KIAA1671: variants seen among roughly 807,000 people sequenced by gnomAD.
KIAA1671 encodes the protein uncharacterized protein KIAA1671.
A neutral mutation model predicts 131.2 loss-of-function variants in KIAA1671; 52 were observed. The ratio of observed to expected loss-of-function variants is 0.40; its 90% CI spans 0.32 to 0.50. The LOEUF (loss-of-function observed/expected upper bound fraction) is 0.50. Among genes scored for constraint, KIAA1671 ranks in the 20% least tolerant of loss-of-function variants. The pLI, the probability that KIAA1671 is intolerant of heterozygous loss-of-function variation, is 0.73. For synonymous variants in KIAA1671, 1,003 were observed against 961.6 expected, an observed-to-expected ratio of 1.04 and a Z score of -0.80; for missense variants, 2,360 against 2,364.2, an observed-to-expected ratio of 1.00 and a Z score of 0.04.
chr22:25,175,837 A>G (rs1055829003), intron 8 of KIAA1671: 1 of 152,246 alleles, frequency 6.6e-6, no homozygotes, highest in Admixed American at 6.5e-5. Flanking sequence ...GTCCCGAAGC[A>G]TAGGTCTAAC....
chr22:25,069,037 G>A (rs1928663011), intron 6 of KIAA1671, among the ~76,000 whole-genome samples: 1 of 152,216 alleles, frequency 6.6e-6, no homozygotes, highest in East Asian at 1.9e-4. Flanking sequence ...CGGCTTATGA[G>A]GAGCAGGTGT....
intron 4 of KIAA1671, among the ~76,000 whole-genome samples, chr22:25,033,580 T>G (rs1245186653): frequency 3.4e-5 from 4 of 116,184 alleles, no homozygotes; most frequent in Non-Finnish European, 3.6e-5. Context: ...TTTCGTTTTT[T>G]TTTTTTTTTT....
chr22:25,041,081 T>G lies in KIAA1671; in HGVS notation c.3951T>G (p.Asp1317Glu), dbSNP rs1926899355. ...RYPGGSPIPA[D>E]PRKKTGFAED... ...CAGGGGGCTCTCCTATACCTGCGGA[T>G]CCCAGGAAAAAAACGGGGTTTGCTG... The change falls in exon 5 of 13, where the codon GAT (aspartate) becomes GAG (glutamate). Residue 1317 changes from aspartate to glutamate, a missense_variant. Asp to Glu is a conservative substitution (Grantham distance 45, BLOSUM62 2). This residue lies in a region of KIAA1671 where 1,161 missense variants were observed against 1,204.7 expected (regional missense o/e 0.96). Coordinates refer to ENST00000358431, the MANE Select transcript of KIAA1671 (RefSeq NM_001145206.2). 3.9e-6 allele frequency: 6 copies of G among 1,539,670 alleles called. No homozygotes were observed. The Admixed American group carries it at 1.0e-4, about 26-fold the overall frequency.
At chr22:24,955,941 C>A (rs1921669347) in intron 1 of KIAA1671, among the ~76,000 whole-genome samples, 1 of 148,526 alleles carries the variant, frequency 6.7e-6, no homozygotes, top group South Asian at 2.1e-4. Flanking sequence ...AGGAGAATGG[C>A]ATGAACCGGG....
chr22:25,114,852 A>G (rs1351728461), intron 6 of KIAA1671, among the ~76,000 whole-genome samples: 2 of 152,230 alleles, frequency 1.3e-5, no homozygotes, highest in Non-Finnish European at 2.9e-5. Context: ...TTGGGACAAC[A>G]GCAGTATCCG....
intron 6 of KIAA1671, among the ~76,000 whole-genome samples, chr22:25,133,646 G>A (rs752163377): frequency 6.6e-6 from 1 of 152,102 alleles, no homozygotes; most frequent in African/African-American, 2.4e-5. Context: ...GGGCTTGGGC[G>A]ACCCTCCTGC....
chr22:25,165,846 G>A (rs979262733), intron 6 of KIAA1671, among the ~76,000 whole-genome samples: 1 of 152,110 alleles, frequency 6.6e-6, no homozygotes, highest in African/African-American at 2.4e-5. Context: ...TGTGAGGGGA[G>A]GGAAATGGGG....
intron 6 of KIAA1671, among the ~76,000 whole-genome samples, chr22:25,108,460 G>A (rs1374710227): frequency 6.6e-6 from 1 of 152,160 alleles, no homozygotes; most frequent in Non-Finnish European, 1.5e-5. Context: ...ACTTCATGGT[G>A]TAGGAGCTCA....
At chr22:25,068,679 G>T (rs1405456379) in intron 6 of KIAA1671, among the ~76,000 whole-genome samples, 1 of 152,156 alleles carries the variant, frequency 6.6e-6, no homozygotes, top group Admixed American at 6.6e-5. Flanking sequence ...CTCATGATCT[G>T]CCCACCTTGG....
At chr22:25,087,021 A>C (rs963152807) in intron 6 of KIAA1671, among the ~76,000 whole-genome samples, 8 of 152,194 alleles carry the variant, frequency 5.3e-5, no homozygotes, top group Non-Finnish European at 1.0e-4. Flanking sequence ...TTTGGGGTGC[A>C]ACGGAACAGG....
chr22:25,117,683 T>A (rs1295231493), intron 6 of KIAA1671, among the ~76,000 whole-genome samples: 1 of 150,830 alleles, frequency 6.6e-6, no homozygotes, highest in Non-Finnish European at 1.5e-5. Context: ...GGAAAGGATG[T>A]ATAGAACTCC....
chr22:25,093,768 GTCTCTCTCTCTCTCTC>G (rs71191028), intron 6 of KIAA1671, among the ~76,000 whole-genome samples: 62 of 60,748 alleles, frequency 1.0e-3, no homozygotes, highest in Non-Finnish European at 1.4e-3. Flanking sequence ...CTCTCTCTCT[GTCTCTCTCTCTCTCTC>G]TCTCTCTCTC....
chr22:24,956,630 G>T (rs1921713691), intron 1 of KIAA1671, among the ~76,000 whole-genome samples: 4 of 152,078 alleles, frequency 2.6e-5, no homozygotes, highest in Admixed American at 2.0e-4. Flanking sequence ...ACTTTGAGAG[G>T]CCGAGGCGGA....
intron 11 of KIAA1671, chr22:25,185,419 C>G (rs1934443868): frequency 3.1e-6 from 1 of 319,608 alleles, no homozygotes; most frequent in Non-Finnish European, 5.7e-6. Context: ...TAGTTTAGCC[C>G]TCTCCAGACC....
rs1926789927 is a variant in KIAA1671 at position 25,039,365 on chromosome 22, C to T, written c.2235C>T (p.Ser745=). ...ATGCAGTGGGAGAGCGTGTGCACAG[C>T]GAGGCCATCTCACCGGCACCGGAGG... ...IVHAVGERVH[S]EAISPAPEEK... is the part of the protein sequence containing the mutation. Residue 745 remains serine, a synonymous_variant, in exon 5 of 13, where the codon AGC becomes AGT. Transcript: ENST00000358431. The T allele has an allele frequency of 5.8e-6, 9 of 1,551,856 alleles. No individual in the cohort carries two copies. The highest frequency in any genetic ancestry group is 3.6e-5 in the South Asian group (3 of 84,064).
At chr22:25,113,057 C>CAATCCA (rs1285911341) in intron 6 of KIAA1671, among the ~76,000 whole-genome samples, 1 of 152,120 alleles carries the variant, frequency 6.6e-6, no homozygotes, top group Non-Finnish European at 1.5e-5. Flanking sequence ...TGGATTGGGA[C>CAATCCA]AGCAGGGTGG....
rs147630044 is a variant in KIAA1671, at chr22:24,985,779, G to GGA, written c.-208+33024_-208+33025dup. Among the ~76,000 whole-genome samples the GGA allele has an allele frequency of 5.4e-3, 814 of 150,344 alleles. 5 individuals carry two copies. Among genetic ancestry groups the GGA allele is most frequent in the Non-Finnish European group, 7.8e-3 (527 of 67,370 alleles). ...GTGTGTGTGTGTGTGTATGGTGAGG[G>GGA]GAGAGAGAGAGAGAGAGAAACAGAA... On this transcript the variant is annotated intron_variant, in intron 1 of 12. Transcript: ENST00000358431.
intron 6 of KIAA1671, among the ~76,000 whole-genome samples, chr22:25,065,988 G>A (rs1474334551): frequency 6.6e-6 from 1 of 152,112 alleles, no homozygotes; most frequent in Non-Finnish European, 1.5e-5. Flanking sequence ...CAGTTCTGGA[G>A]GCTGGGAAGT....
chr22:25,051,970 A>T (rs1337644628), intron 6 of KIAA1671: 3 of 152,288 alleles, frequency 2.0e-5, no homozygotes. Context: ...TTTGCAGAGC[A>T]GGAAAGTGAG....
Sources: allele counts gnomAD v4.1 joint callset (sites outside exome capture counted in the v4.1 genomes callset), GRCh38; gene constraint gnomAD v4.1.1; regional missense constraint gnomAD v4.1.1; transcripts MANE v1.5; gene names NCBI Gene and HGNC (gene_info 2026-07-23, HGNC 2026-07-21).